The following PLS3 variants were observed in gnomAD, a reference collection of about 807,000 sequenced individuals.
PLS3 encodes plastin-3.
A neutral mutation model predicts 46.5 loss-of-function variants in PLS3; 11 were observed. The ratio of observed to expected loss-of-function variants is 0.24; its 90% CI spans 0.15 to 0.39. The LOEUF (loss-of-function observed/expected upper bound fraction) is 0.39. Ranked by LOEUF, PLS3 falls within the 10% of genes least tolerant of loss-of-function variation. PLS3 has a pLI of 1.00. For missense variants in PLS3, 308 were observed against 461.8 expected (o/e 0.67, Z 3.05); for synonymous variants, 167 against 162.2 (o/e 1.03, Z -0.22).
chrX:115,594,690 ACC>A (rs1377029742), intron 1 of PLS3, among the ~76,000 whole-genome samples: 3 of 99,563 alleles, frequency 3.0e-5, no homozygotes, highest in African/African-American at 1.1e-4. Flanking sequence ...ACACACACAC[ACC>A]CCACACACAC....
At chrX:115,580,976 T>A (rs1556631760) in intron 1 of PLS3, among the ~76,000 whole-genome samples, 1 of 110,985 alleles carries the variant, frequency 9.0e-6, no homozygotes, top group Non-Finnish European at 1.9e-5. Context: ...TCTCAAGCAA[T>A]CCTCCCGCCT....
intron 1 of PLS3, among the ~76,000 whole-genome samples, chrX:115,561,819 G>T (rs1569525557): frequency 9.0e-6 from 1 of 111,446 alleles, no homozygotes; most frequent in Non-Finnish European, 1.9e-5. Flanking sequence ...AGGGGGGGCC[G>T]TGGCCGAGGG....
chrX:115,585,277 T>C (rs1556632273), intron 1 of PLS3, among the ~76,000 whole-genome samples: 1 of 112,279 alleles, frequency 8.9e-6, no homozygotes, highest in African/African-American at 3.2e-5. Flanking sequence ...TTACAGAATA[T>C]ATGCTTAATC....
intron 9 of PLS3, among the ~76,000 whole-genome samples, chrX:115,642,038 C>G (rs1216819885): frequency 3.0e-5 from 2 of 65,723 alleles, no homozygotes; most frequent in African/African-American, 1.2e-4. Flanking sequence ...TCTTTAGGGT[C>G]TTTTTTTTTT....
chrX:115,568,116 G>C (rs782598586), intron 1 of PLS3, among the ~76,000 whole-genome samples: 1 of 110,938 alleles, frequency 9.0e-6, no homozygotes, highest in African/African-American at 3.3e-5. Flanking sequence ...GCCATTTCTT[G>C]TTGTTCATTT....
intron 9 of PLS3, 49 bp from the exon 10 acceptor site, chrX:115,643,264 A>G (rs1340478057): frequency 3.8e-5 from 32 of 849,199 alleles, no homozygotes; most frequent in African/African-American, 2.2e-4. Flanking sequence ...GAAATTTTCT[A>G]TATTTTTAGT....
chrX:115,613,619 G>A (rs189273668), intron 2 of PLS3, among the ~76,000 whole-genome samples: 7 of 108,101 alleles, frequency 6.5e-5, no homozygotes, highest in African/African-American at 2.4e-4. Context: ...CGGGATAGTC[G>A]GAAAACCATG....
At chrX:115,621,726 T>G (rs782210995) in intron 2 of PLS3, among the ~76,000 whole-genome samples, 3 of 112,202 alleles carry the variant, frequency 2.7e-5, no homozygotes, top group African/African-American at 9.7e-5. Flanking sequence ...TATATTTGTC[T>G]TGAATTAATG....
chrX:115,606,915 G>A (rs956743940), intron 1 of PLS3, among the ~76,000 whole-genome samples: 3 of 110,607 alleles, frequency 2.7e-5, no homozygotes, highest in African/African-American at 6.6e-5. Context: ...CAATCCTCCC[G>A]CAGTGCTGGG....
At chrX:115,630,958 ATATAT>A in intron 5 of PLS3, among the ~76,000 whole-genome samples, 1 of 96,712 alleles carries the variant, frequency 1.0e-5, no homozygotes. Flanking sequence ...TATATAAAAT[ATATAT>A]TATACATATA....
At chrX:115,640,823 A>T (rs1408302663) in intron 9 of PLS3, among the ~76,000 whole-genome samples, 6 of 111,815 alleles carry the variant, frequency 5.4e-5, no homozygotes, top group Non-Finnish European at 7.5e-5. Context: ...TTTAGTGACT[A>T]TATGAAAACC....
chrX:115,643,591 A>G (rs1297349560), intron 10 of PLS3, 83 bp downstream of exon 10: 6 of 544,956 alleles, frequency 1.1e-5, no homozygotes, highest in South Asian at 3.8e-5. Context: ...TCTAGACTTA[A>G]TAAGTTTTTT....
chrX:115,599,779 C>T (rs1251633694), intron 1 of PLS3, among the ~76,000 whole-genome samples: 4 of 108,393 alleles, frequency 3.7e-5, no homozygotes, highest in Admixed American at 1.0e-4. Flanking sequence ...ACTACAGGCA[C>T]GTGCAGCCAG....
intron 1 of PLS3, among the ~76,000 whole-genome samples, chrX:115,576,118 G>A (rs2074247156): frequency 9.0e-6 from 1 of 111,687 alleles, no homozygotes; most frequent in Non-Finnish European, 1.9e-5. Flanking sequence ...ACTCACAAAG[G>A]GCCATAATGA....
At chrX:115,611,277 A>T (rs1556636082) in intron 2 of PLS3, among the ~76,000 whole-genome samples, 1 of 113,184 alleles carries the variant, frequency 8.8e-6, no homozygotes, top group African/African-American at 3.2e-5. Context: ...CAGAGTGACC[A>T]TTCATAATCC....
At chrX:115,636,487 T>G (rs1556640264) in intron 7 of PLS3, among the ~76,000 whole-genome samples, 1 of 111,755 alleles carries the variant, frequency 8.9e-6, no homozygotes, top group Admixed American at 9.5e-5. Context: ...ATTACAGGCG[T>G]GAGCCACTGC....
chrX:115,622,159 T>C, intron 2 of PLS3, 87 bp from the exon 3 acceptor site: 1 of 723,409 alleles, frequency 1.4e-6, no homozygotes, highest in Non-Finnish European at 2.1e-6. Flanking sequence ...AGTGAGCTTA[T>C]GAACTGAACC....
chrX:115,649,639 T>C lies in PLS3; in HGVS notation c.*78T>C. The C allele has an allele frequency of 4.2e-6, 4 of 950,109 alleles. No individual in the cohort carries two copies. The South Asian group carries it at 1.1e-4, about 25-fold the overall frequency. The allele number at this position is 950,109 out of a possible 1,213,427, so 78.3% of individuals were successfully genotyped here. ...CAGCTATTTCCAGGTGAAGTGCTTA[T>C]GGCTTAAGGAACTCTTGGCCATTCA... is the stretch of plus-strand genomic sequence containing the variant. On this transcript the variant is annotated 3_prime_UTR_variant, in exon 16 of 16. Coordinates refer to ENST00000355899, the MANE Select transcript of PLS3 (RefSeq NM_005032.7).
chrX:115,563,646 T>C (rs1156978870), intron 1 of PLS3, among the ~76,000 whole-genome samples: 1 of 112,204 alleles, frequency 8.9e-6, no homozygotes, highest in Non-Finnish European at 1.9e-5. Flanking sequence ...CTTTGTATTC[T>C]TTTGCCAAAA....
Sources: gnomAD v4.1 joint callset for allele counts (sites outside exome capture counted in the v4.1 genomes callset) on GRCh38, gnomAD v4.1.1 for gene constraint, MANE v1.5 for transcripts, NCBI Gene and HGNC (gene_info 2026-07-23, HGNC 2026-07-21) for gene names.